HS3ST4: variants seen among roughly 807,000 people sequenced by gnomAD.
HS3ST4 encodes the protein heparan sulfate glucosamine 3-O-sulfotransferase 4.
In HS3ST4, 17 loss-of-function variants were observed where a neutral mutation model predicts 29.2. The ratio of observed to expected loss-of-function variants is 0.58; its 90% confidence interval spans 0.40 to 0.87. The LOEUF (loss-of-function observed/expected upper bound fraction) is 0.87, where lower values mean the gene tolerates loss of function less well. Ranked by LOEUF, HS3ST4 falls within the 40% of genes least tolerant of loss-of-function variation. HS3ST4 has a pLI of 0.00. For missense variants in HS3ST4, 627 were observed against 634.5 expected (o/e 0.99, Z 0.13); for synonymous variants, 314 against 285.7 (o/e 1.10, Z -1.00).
At chr16:25,903,323 A>G (rs1295672182) in intron 1 of HS3ST4, among the ~76,000 whole-genome samples, 24 of 115,716 alleles carry the variant, frequency 2.1e-4, no homozygotes, top group African/African-American at 3.6e-4. Flanking sequence ...TATATATTAT[A>G]TATATGTATA....
At chr16:26,079,874 G>T (rs1004068673) in intron 1 of HS3ST4, among the ~76,000 whole-genome samples, 3 of 152,190 alleles carry the variant, frequency 2.0e-5, no homozygotes, top group African/African-American at 7.2e-5. Flanking sequence ...AACATGGATA[G>T]TAATGGGATC....
At chr16:25,829,574 C>A (rs1204721812) in intron 1 of HS3ST4, among the ~76,000 whole-genome samples, 1 of 151,992 alleles carries the variant, frequency 6.6e-6, no homozygotes, top group African/African-American at 2.4e-5. Context: ...CCTCCCCTTG[C>A]CCCGACCCTG....
intron 1 of HS3ST4, among the ~76,000 whole-genome samples, chr16:25,852,321 T>C (rs1025912245): frequency 6.6e-6 from 1 of 152,144 alleles, no homozygotes; most frequent in African/African-American, 2.4e-5. Flanking sequence ...ATTTTTAAGT[T>C]CTGGGGTACA....
intron 1 of HS3ST4, among the ~76,000 whole-genome samples, chr16:25,753,487 T>C (rs375552024): frequency 3.9e-5 from 6 of 152,098 alleles, no homozygotes; most frequent in Non-Finnish European, 2.9e-5. Flanking sequence ...TACTGTGTTA[T>C]GTGTTATTCA....
intron 1 of HS3ST4, among the ~76,000 whole-genome samples, chr16:25,911,971 G>T (rs1379730632): frequency 6.6e-6 from 1 of 152,200 alleles, no homozygotes; most frequent in Non-Finnish European, 1.5e-5. Flanking sequence ...ACAGGAAAAA[G>T]ATGGGGTTTG....
At chr16:25,966,079 G>A (rs1019598409) in intron 1 of HS3ST4, among the ~76,000 whole-genome samples, 5 of 152,100 alleles carry the variant, frequency 3.3e-5, no homozygotes, top group African/African-American at 1.2e-4. Flanking sequence ...TTCTAAATGC[G>A]TTATATGGAG....
intron 1 of HS3ST4, among the ~76,000 whole-genome samples, chr16:25,717,762 C>T (rs1159379328): frequency 6.6e-6 from 1 of 152,040 alleles, no homozygotes; most frequent in African/African-American, 2.4e-5. Flanking sequence ...AGATGGAGAA[C>T]TGTTTAATGG....
chr16:25,828,324 CTCTCTCTCTCTCTCTT>C (rs1967255825), intron 1 of HS3ST4, among the ~76,000 whole-genome samples: 3 of 135,370 alleles, frequency 2.2e-5, no homozygotes, highest in Non-Finnish European at 3.2e-5. Flanking sequence ...CTCTCTCTCT[CTCTCTCTCTCTCTCTT>C]TCTCCCTTTC....
chr16:25,794,773 C>T (rs35073748), intron 1 of HS3ST4, among the ~76,000 whole-genome samples: 19,234 of 151,588 alleles, frequency 0.13, 1,439 homozygotes, highest in East Asian at 0.23. Flanking sequence ...GAATCCATAC[C>T]TTGATATTCA....
rs116622199 is a variant in HS3ST4, at chr16:25,843,814, C to T, written c.734+150663C>T. On this transcript the variant is annotated intron_variant, in intron 1 of 1. Coordinates refer to ENST00000331351, the MANE Select transcript of HS3ST4 (RefSeq NM_006040.3). ...AGGATTCTCTTACTATCATGCAAGT[C>T]TTAGACTGCATTATCATTTGAAGAG... is the stretch of plus-strand genomic sequence containing the variant. 1.0e-2 allele frequency among the ~76,000 whole-genome samples: 1,517 copies of T among 152,278 alleles called. 27 individuals are homozygous for T. Among genetic ancestry groups the T allele is most frequent in the African/African-American group, 0.034 (1,405 of 41,560 alleles).
intron 1 of HS3ST4, among the ~76,000 whole-genome samples, chr16:25,696,601 C>T (rs373891743): frequency 2.0e-4 from 30 of 152,154 alleles, no homozygotes; most frequent in African/African-American, 6.0e-4. Context: ...CGGATTCAAG[C>T]GATTCTCCTG....
At chr16:26,132,188 T>C (rs913658857) in intron 1 of HS3ST4, among the ~76,000 whole-genome samples, 2 of 152,182 alleles carry the variant, frequency 1.3e-5, no homozygotes, top group African/African-American at 2.4e-5. Context: ...TGATCATTTA[T>C]GGAATGAATG....
At chr16:26,036,736 A>G (rs911760574) in intron 1 of HS3ST4, among the ~76,000 whole-genome samples, 4 of 152,204 alleles carry the variant, frequency 2.6e-5, no homozygotes, top group African/African-American at 9.6e-5. Flanking sequence ...CAGGTGCTCA[A>G]ATGTGGCATA....
intron 1 of HS3ST4, among the ~76,000 whole-genome samples, chr16:25,914,439 T>C (rs1275499230): frequency 3.3e-5 from 5 of 151,680 alleles, no homozygotes; most frequent in Non-Finnish European, 7.4e-5. Context: ...GTAGGGTGTG[T>C]ACATGGTGTG....
At chr16:25,863,100 T>G (rs1211026642) in intron 1 of HS3ST4, among the ~76,000 whole-genome samples, 1 of 152,194 alleles carries the variant, frequency 6.6e-6, no homozygotes, top group Non-Finnish European at 1.5e-5. Context: ...TTTTCTATCC[T>G]CTAACCTATT....
At chr16:25,778,150 A>G (rs191489838) in intron 1 of HS3ST4, among the ~76,000 whole-genome samples, 1 of 151,868 alleles carries the variant, frequency 6.6e-6, no homozygotes, top group Non-Finnish European at 1.5e-5. Context: ...ATATATATAT[A>G]TTTTTTCTAC....
At chr16:25,961,459 A>G (rs1390475781) in intron 1 of HS3ST4, among the ~76,000 whole-genome samples, 1 of 152,190 alleles carries the variant, frequency 6.6e-6, no homozygotes, top group Non-Finnish European at 1.5e-5. Flanking sequence ...TGATTTATTC[A>G]TTCATTCCTT....
chr16:25,949,831 G>C (rs1968665564), intron 1 of HS3ST4, among the ~76,000 whole-genome samples: 1 of 152,136 alleles, frequency 6.6e-6, no homozygotes, highest in South Asian at 2.1e-4. Context: ...TGACCAAGCA[G>C]GATTCTTGCT....
chr16:26,101,179 T>C (rs1484331656), intron 1 of HS3ST4, among the ~76,000 whole-genome samples: 2 of 152,024 alleles, frequency 1.3e-5, no homozygotes, highest in South Asian at 4.2e-4. Context: ...TTCTGGCTTC[T>C]GCTCTCAACC....
Sources: allele counts gnomAD v4.1 joint callset (sites outside exome capture counted in the v4.1 genomes callset), GRCh38; gene constraint gnomAD v4.1.1; transcripts MANE v1.5; gene names NCBI Gene and HGNC (gene_info 2026-07-23, HGNC 2026-07-21).